The following USP15 variants were observed in gnomAD, a reference collection of about 807,000 sequenced individuals.
The protein encoded by USP15 is ubiquitin specific peptidase 15, also known as ubiquitin carboxyl-terminal hydrolase 15.
USP15 carries 18 observed loss-of-function variants against 127.1 expected under a neutral mutation model. That is an observed-to-expected ratio of 0.14 (90% CI 0.10 to 0.21). USP15 has a LOEUF of 0.21. Ranked by LOEUF, USP15 falls within the 10% of genes least tolerant of loss-of-function variation. The probability of loss-of-function intolerance (pLI) is 1.00; values close to 1 mark genes in which losing one functional copy is unlikely to be tolerated. For missense variants in USP15, 805 were observed against 1,159.9 expected (o/e 0.69, Z 4.44); for synonymous variants, 364 against 393.7 (o/e 0.92, Z 0.89).
intron 8 of USP15, 62 bp from the exon 9 acceptor site, chr12:62,381,428 T>C: frequency 1.4e-6 from 2 of 1,390,142 alleles, no homozygotes; most frequent in South Asian, 1.5e-5. Flanking sequence ...TTCATATTAA[T>C]GTGTTTTAAG....
intron 3 of USP15, chr12:62,304,697 A>C (rs921101833): frequency 2.2e-6 from 1 of 454,960 alleles, no homozygotes; most frequent in East Asian, 7.0e-5. Flanking sequence ...GAATGGACGA[A>C]AAGAAAGCAA....
chr12:62,316,788 A>C (rs1369720431), intron 4 of USP15, among the ~76,000 whole-genome samples: 1 of 152,116 alleles, frequency 6.6e-6, no homozygotes, highest in Non-Finnish European at 1.5e-5. Flanking sequence ...CAAAACAAGA[A>C]TTATGGGTTC....
chr12:62,416,332 T>G lies in USP15; in HGVS notation c.*11957T>G, dbSNP rs2068153631. On this transcript the variant is annotated 3_prime_UTR_variant, in exon 22 of 22. Coordinates refer to ENST00000280377, the MANE Select transcript of USP15 (RefSeq NM_001252078.2). ...TTGTTCTTAAGATGTTAAGATGGTG[T>G]ATGTGTGGCATAGTATTTGTTCCTA... The G allele has an allele frequency of 1.3e-5, 2 of 152,220 alleles. No homozygotes were observed. The highest frequency in any genetic ancestry group is 6.5e-5 in the Admixed American group (1 of 15,274). 9.4% of individuals were successfully genotyped at this position (152,220 alleles called of 1,614,324 possible).
chr12:62,399,072 T>A (rs2067591505), intron 20 of USP15, among the ~76,000 whole-genome samples: 1 of 152,218 alleles, frequency 6.6e-6, no homozygotes, highest in Admixed American at 6.5e-5. Flanking sequence ...TTACAAACTC[T>A]GTGCCTTTTT....
chr12:62,285,036 A>T (rs547325640), intron 1 of USP15, among the ~76,000 whole-genome samples: 2 of 152,086 alleles, frequency 1.3e-5, no homozygotes, highest in Non-Finnish European at 2.9e-5. Context: ...ACAGTCAGAG[A>T]TAGTATTGTT....
rs2064788209 is a variant in USP15, at chr12:62,314,901, A to C, written c.460A>C (p.Lys154Gln). ...MNNVVTRRFS[K>Q]ADTIDTIEKE... ...TAATGTTGTAACTCGAAGATTTAGC[A>C]AAGCTGACACAATAGGTAATGCAAG... The change falls in exon 4 of 22, where the codon AAA (lysine) becomes CAA (glutamine). Residue 154 changes from lysine to glutamine, a missense_variant. Physicochemically the swap from Lys to Gln is moderately conservative, Grantham distance 53. This residue lies in a region of USP15 where 57 missense variants were observed against 47.3 expected (regional missense o/e 1.20). Coordinates refer to ENST00000280377, the MANE Select transcript of USP15 (RefSeq NM_001252078.2). The C allele has an allele frequency of 6.3e-7, 1 of 1,583,548 alleles. No homozygotes were observed. The highest frequency in any genetic ancestry group is 8.6e-7 in the Non-Finnish European group (1 of 1,165,138).
At chr12:62,331,866 T>C (rs554751884) in intron 6 of USP15, among the ~76,000 whole-genome samples, 1 of 152,294 alleles carries the variant, frequency 6.6e-6, no homozygotes, top group African/African-American at 2.4e-5. Flanking sequence ...CAAAAAATAC[T>C]CACTCAAAAG....
chr12:62,392,273 A>G lies in USP15; in HGVS notation c.2306A>G (p.Asp769Gly), dbSNP rs1163936712. 6.3e-7 allele frequency: 1 copy of G among 1,580,232 alleles called. No homozygotes were observed. Among genetic ancestry groups the G allele is most frequent in the East Asian group, 2.3e-5 (1 of 44,444 alleles). Reference sequence around the variant, plus strand: ...AACTCAAGAAATACTTCTCTTTAGGACTTTGAAAAACATGAAAGTGTGGAG... The same window carrying G: ...AACTCAAGAAATACTTCTCTTTAGGGCTTTGAAAAACATGAAAGTGTGGAG... ...KRYFDENAAEDFEKHESVEYK... is the reference protein window; with the variant it reads ...KRYFDENAAEGFEKHESVEYK... The change falls in exon 18 of 22, where the codon GAC becomes GGC. Residue 769 changes from aspartate to glycine, a missense_variant and splice_region_variant. Physicochemically the swap from Asp to Gly is moderately conservative, Grantham distance 94 (BLOSUM62 -1). This residue lies in a region of USP15 where 225 missense variants were observed against 239.5 expected (regional missense o/e 0.94). Transcript: ENST00000280377.
intron 20 of USP15, 84 bp downstream of exon 20, chr12:62,396,482 T>A: frequency 8.7e-7 from 1 of 1,149,254 alleles, no homozygotes; most frequent in Non-Finnish European, 1.3e-6. Flanking sequence ...TATTACTTCT[T>A]AAGGATAAAA....
chr12:62,326,475 A>G (rs984965167), intron 6 of USP15, among the ~76,000 whole-genome samples: 3 of 152,194 alleles, frequency 2.0e-5, no homozygotes, highest in African/African-American at 7.2e-5. Flanking sequence ...TTAAATATAC[A>G]GACTTCTCAA....
chr12:62,384,476 G>A (rs1269499510), intron 11 of USP15, among the ~76,000 whole-genome samples, 174 bp downstream of exon 11: 3 of 151,426 alleles, frequency 2.0e-5, no homozygotes, highest in Non-Finnish European at 4.4e-5. Context: ...TTGGAAATCA[G>A]TGTAACTTTT....
Position 62,389,698 on chromosome 12 carries a change from G to A in USP15, c.1651G>A (p.Val551Met), listed in dbSNP as rs1474622965. The A allele has an allele frequency of 1.2e-6, 2 of 1,610,866 alleles. No homozygotes were observed. The highest frequency in any genetic ancestry group is 1.7e-5 in the Admixed American group (1 of 59,568). Residue 551 changes from valine to methionine, a missense_variant and splice_region_variant, in exon 13 of 22, where the codon GTG becomes ATG. Physicochemically the swap from Val to Met is conservative, Grantham distance 21. This residue lies in a region of USP15 where 82 missense variants were observed against 104.4 expected (regional missense o/e 0.79). Coordinates refer to ENST00000280377, the MANE Select transcript of USP15 (RefSeq NM_001252078.2). ...TATTATGGAACGGGATGATATTTAT[G>A]TGTAAGTATAAAACTCATTGTGCAA... ...SSIMERDDIY[V>M]FEININRTED...
chr12:62,391,768 T>G, intron 16 of USP15, 48 bp from the exon 17 acceptor site: 1 of 1,438,674 alleles, frequency 7.0e-7, no homozygotes, highest in Non-Finnish European at 9.5e-7. Flanking sequence ...TATACTTTAA[T>G]ACTAAGACAT....
At chr12:62,282,568 G>A (rs1261099362) in intron 1 of USP15, among the ~76,000 whole-genome samples, 1 of 152,154 alleles carries the variant, frequency 6.6e-6, no homozygotes, top group Non-Finnish European at 1.5e-5. Flanking sequence ...GTAAATGGAA[G>A]ATTTCAGAAA....
At chr12:62,357,058 C>G (rs2066153650) in intron 8 of USP15, among the ~76,000 whole-genome samples, 1 of 151,636 alleles carries the variant, frequency 6.6e-6, no homozygotes, top group Non-Finnish European at 1.5e-5. Context: ...AGTTTTTTTT[C>G]CTAGTTTAGA....
chr12:62,291,165 A>T (rs760813787), intron 1 of USP15, among the ~76,000 whole-genome samples: 1 of 152,108 alleles, frequency 6.6e-6, no homozygotes, highest in East Asian at 1.9e-4. Context: ...TGGTTTTCCA[A>T]ACTTTTTGCT....
intron 2 of USP15, among the ~76,000 whole-genome samples, chr12:62,301,597 C>G (rs1271457869): frequency 3.3e-5 from 5 of 152,082 alleles, no homozygotes. Flanking sequence ...AGAGGACATA[C>G]TATTTTTATG....
chr12:62,359,339 C>A (rs1473850370), intron 8 of USP15, among the ~76,000 whole-genome samples: 1 of 151,794 alleles, frequency 6.6e-6, no homozygotes, highest in Non-Finnish European at 1.5e-5. Flanking sequence ...GGCCTTCCTG[C>A]TTATTATAAT....
rs142531305 is a variant in USP15, at chr12:62,329,075, T to C, written c.683+3142T>C. Reference sequence around the variant, plus strand: ...AACACTTATATTTAATGAATTCACTTATATTTAGTGAATATTCACTTATAT... The same window carrying C: ...AACACTTATATTTAATGAATTCACTCATATTTAGTGAATATTCACTTATAT... On this transcript the variant is annotated intron_variant, in intron 6 of 21. Transcript: ENST00000280377. 2.3e-3 allele frequency among the ~76,000 whole-genome samples: 348 copies of C among 152,292 alleles called. 1 individual carries two copies. Among genetic ancestry groups the C allele is most frequent in the African/African-American group, 8.1e-3 (336 of 41,562 alleles).
Sources: gnomAD v4.1 joint callset for allele counts (sites outside exome capture counted in the v4.1 genomes callset) on GRCh38, gnomAD v4.1.1 for gene constraint, gnomAD v4.1.1 regional missense constraint, MANE v1.5 for transcripts, NCBI Gene and HGNC (gene_info 2026-07-23, HGNC 2026-07-21) for gene names.